The following CPNE5 variants were observed in gnomAD, a reference collection of about 807,000 sequenced individuals.
CPNE5 encodes the protein copine 5, also known as copine-5.
Under a neutral mutation model 81.1 loss-of-function variants are expected in CPNE5, and 42 were observed. That is an observed-to-expected ratio of 0.52 (90% CI 0.40 to 0.67). CPNE5 has a LOEUF of 0.67. CPNE5 is among the 30% of genes least tolerant of loss of function. The pLI is 0.00. For synonymous variants in CPNE5, 313 were observed against 321.5 expected (o/e 0.97, Z 0.28); for missense variants, 612 against 815.5 (o/e 0.75, Z 3.04).
intron 9 of CPNE5, among the ~76,000 whole-genome samples, chr6:36,777,755 C>A (rs1033614995): frequency 1.2e-4 from 1 of 8,064 alleles, no homozygotes; most frequent in Non-Finnish European, 5.0e-4. Context: ...CCCTGCCTAC[C>A]CCCCCCCCCA....
At chr6:36,792,957 C>T (rs1399763739) in intron 7 of CPNE5, among the ~76,000 whole-genome samples, 2 of 152,102 alleles carry the variant, frequency 1.3e-5, no homozygotes, top group African/African-American at 4.8e-5. Flanking sequence ...TGGGCTCATT[C>T]CTGTACCTCT....
chr6:36,783,981 A>G (rs995565929), intron 8 of CPNE5, among the ~76,000 whole-genome samples: 1 of 152,236 alleles, frequency 6.6e-6, no homozygotes, highest in Non-Finnish European at 1.5e-5. Flanking sequence ...GATAAGTTTA[A>G]TTACATTCCA....
chr6:36,762,335 C>T (rs116037244), intron 12 of CPNE5, among the ~76,000 whole-genome samples: 1,577 of 150,732 alleles, frequency 0.01, 31 homozygotes, highest in African/African-American at 0.036. Flanking sequence ...TGCGCACACA[C>T]GCAAATACAT....
chr6:36,825,031 T>A (rs1462262465), intron 1 of CPNE5, among the ~76,000 whole-genome samples: 1 of 151,994 alleles, frequency 6.6e-6, no homozygotes, highest in Non-Finnish European at 1.5e-5. Flanking sequence ...GATGGGGACA[T>A]GAAAGACCAG....
chr6:36,822,255 C>G (rs2150588077), intron 2 of CPNE5, 95 bp from the exon 3 acceptor site: 1 of 1,022,928 alleles, frequency 9.8e-7, no homozygotes, highest in Non-Finnish European at 1.4e-6. Context: ...GGCGCCTCAG[C>G]AGACCCAGCC....
At chr6:36,762,622 C>T (rs928602439) in intron 12 of CPNE5, among the ~76,000 whole-genome samples, 5 of 152,152 alleles carry the variant, frequency 3.3e-5, no homozygotes, top group Non-Finnish European at 2.9e-5. Context: ...CCATCGTGCT[C>T]CTATCTCTCT....
At chr6:36,781,824 C>T (rs909604760) in intron 8 of CPNE5, among the ~76,000 whole-genome samples, 1 of 152,212 alleles carries the variant, frequency 6.6e-6, no homozygotes, top group East Asian at 1.9e-4. Context: ...ACAGGCCACA[C>T]GCCTCTGCAG....
chr6:36,818,547 C>T (rs2150578239), intron 3 of CPNE5, among the ~76,000 whole-genome samples: 1 of 152,296 alleles, frequency 6.6e-6, no homozygotes, highest in East Asian at 1.9e-4. Context: ...ATTTACTAAG[C>T]ACTGACCATG....
intron 1 of CPNE5, among the ~76,000 whole-genome samples, chr6:36,829,812 C>CA (rs35015008): frequency 1.3e-3 from 90 of 66,884 alleles, no homozygotes; most frequent in East Asian, 1.8e-3. Context: ...GGCTCCATCT[C>CA]AAAAAAAAAA....
intron 1 of CPNE5, among the ~76,000 whole-genome samples, chr6:36,834,660 A>G (rs1476979006): frequency 6.6e-6 from 1 of 152,046 alleles, no homozygotes; most frequent in Non-Finnish European, 1.5e-5. Context: ...CATCTCAAAA[A>G]AAAAAAAAAA....
At position 36,802,769 on chromosome 6, in the gene CPNE5, G is replaced by T. The variant is rs1044497716; in HGVS notation, c.184-2699C>A. Reference sequence around the variant, plus strand: ...AATTAAGTTAGAAACTTCCAAAGGGGTTGGGTGCGGTGGCTAACACCTGTA... The same window carrying T: ...AATTAAGTTAGAAACTTCCAAAGGGTTTGGGTGCGGTGGCTAACACCTGTA... On this transcript the variant is annotated intron_variant, in intron 3 of 20. Transcript: ENST00000244751. 2.6e-5 allele frequency among the ~76,000 whole-genome samples: 4 copies of T among 152,254 alleles called. No homozygotes were observed. In the East Asian group the frequency reaches 7.7e-4, roughly 29 times the overall value.
rs374131812 is a variant in CPNE5 at position 36,763,007 on chromosome 6, G to A, written c.780-15C>T. On this transcript the variant is annotated splice_polypyrimidine_tract_variant and intron_variant, in intron 11 of 20. Transcript: ENST00000244751. ...TGAAGTCATGGCTGCAAGGGAAGACGGCTGCTGAGACCAAGGCCAGGCTGT... is the reference window on the plus strand; with the variant it reads ...TGAAGTCATGGCTGCAAGGGAAGACAGCTGCTGAGACCAAGGCCAGGCTGT... 538 of 1,612,950 alleles carry A rather than the reference G, an allele frequency of 3.3e-4. 1 individual carries two copies. Among genetic ancestry groups the A allele is most frequent in the Non-Finnish European group, 4.3e-4 (509 of 1,179,092 alleles).
At chr6:36,788,034 CTTTT>C (rs761359601) in intron 8 of CPNE5, among the ~76,000 whole-genome samples, 1 of 138,212 alleles carries the variant, frequency 7.2e-6, no homozygotes, top group African/African-American at 2.7e-5. Context: ...CCTACCTTTT[CTTTT>C]TTTTTTTTTT....
chr6:36,762,528 C>T (rs948684199), intron 12 of CPNE5, among the ~76,000 whole-genome samples: 11 of 152,166 alleles, frequency 7.2e-5, no homozygotes, highest in Admixed American at 5.9e-4. Flanking sequence ...TCAGCAGGCC[C>T]TGAAACTGTT....
At chr6:36,806,279 C>T (rs1041253313) in intron 3 of CPNE5, among the ~76,000 whole-genome samples, 1 of 152,196 alleles carries the variant, frequency 6.6e-6, no homozygotes, top group East Asian at 1.9e-4. Flanking sequence ...CTATCATTCC[C>T]TCACCCTGTG....
upstream of CPNE5, chr6:36,839,478 G>C (rs1773840397): frequency 1.0e-6 from 1 of 994,252 alleles, no homozygotes; most frequent in Non-Finnish European, 1.4e-6. This position sits in a 1 kb window ranked among gnomAD's most constrained non-coding sequence, Gnocchi z 7.3. Context: ...TCCAGAGCCT[G>C]GGCTGGGCGG....
intron 8 of CPNE5, among the ~76,000 whole-genome samples, chr6:36,790,991 C>A (rs76411494): frequency 6.6e-6 from 1 of 152,126 alleles, no homozygotes; most frequent in Non-Finnish European, 1.5e-5. Context: ...ATAGCTGATC[C>A]GTAGCACTGA....
chr6:36,809,311 A>T (rs991923597), intron 3 of CPNE5, among the ~76,000 whole-genome samples: 2 of 152,098 alleles, frequency 1.3e-5, no homozygotes, highest in African/African-American at 4.8e-5. Flanking sequence ...ATTTCCTTTT[A>T]AAAATGTTAA....
At chr6:36,822,913 T>C (rs17374068) in intron 2 of CPNE5, 145 bp downstream of exon 2, 65,960 of 588,092 alleles carry the variant, frequency 0.11, 4,255 homozygotes, top group African/African-American at 0.19. Context: ...TCAGACACTA[T>C]GGGAGAAACA....
Sources: gnomAD v4.1 joint callset for allele counts (sites outside exome capture counted in the v4.1 genomes callset) on GRCh38, gnomAD v4.1.1 for gene constraint, Gnocchi (gnomAD v3.1) non-coding constraint, MANE v1.5 for transcripts, NCBI Gene and HGNC (gene_info 2026-07-23, HGNC 2026-07-21) for gene names.